Variants in CNTNAP4 observed in about 807,000 individuals in gnomAD.
The protein encoded by CNTNAP4 is contactin-associated protein-like 4.
A neutral mutation model predicts 148.4 loss-of-function variants in CNTNAP4; 98 were observed. The ratio of observed to expected loss-of-function variants is 0.66; its 90% confidence interval spans 0.56 to 0.78. The LOEUF (loss-of-function observed/expected upper bound fraction) is 0.78, where lower values mean the gene tolerates loss of function less well. Ranked by LOEUF, CNTNAP4 falls within the 30% of genes least tolerant of loss-of-function variation. The pLI is 0.00. For synonymous variants in CNTNAP4, 730 were observed against 565.1 expected, an observed-to-expected ratio of 1.29 and a Z score of -4.14; for missense variants, 1,935 against 1,565.6, an observed-to-expected ratio of 1.24 and a Z score of -3.98.
At chr16:76,376,187 A>G (rs1169017190) in intron 3 of CNTNAP4, among the ~76,000 whole-genome samples, 2 of 151,984 alleles carry the variant, frequency 1.3e-5, no homozygotes, top group South Asian at 2.1e-4. Context: ...ATGCAATTAA[A>G]TGCAAAAAAA....
intron 15 of CNTNAP4, among the ~76,000 whole-genome samples, chr16:76,503,756 C>T (rs2082737866): frequency 6.6e-6 from 1 of 151,456 alleles, no homozygotes; most frequent in Admixed American, 6.6e-5. Flanking sequence ...TTAATTCCCA[C>T]CTATGAGTGA....
intron 2 of CNTNAP4, 86 bp downstream of exon 2, chr16:76,316,609 CA>C (rs1364933346): frequency 7.0e-6 from 6 of 859,574 alleles, no homozygotes; most frequent in East Asian, 2.6e-5. Context: ...ATGAATGATA[CA>C]TGGTAAAAGA....
Position 76,462,048 on chromosome 16 carries a change from G to A in CNTNAP4, c.1426G>A (p.Ala476Thr), listed in dbSNP as rs139141859. 582 of 1,613,712 alleles carry A rather than the reference G, an allele frequency of 3.6e-4. No homozygotes were observed. Among genetic ancestry groups the A allele is most frequent in the Non-Finnish European group, 4.5e-4 (535 of 1,179,842 alleles). ...SVAVDGQMAS[A>T]APLLGPEQIY... Reference sequence around the variant, plus strand: ...GGCGGTGGACGGCCAGATGGCTTCTGCTGCTCCTCTGCTGGGGCCTGAGCA... The same window carrying A: ...GGCGGTGGACGGCCAGATGGCTTCTACTGCTCCTCTGCTGGGGCCTGAGCA... The change falls in exon 9 of 24, where the codon GCT becomes ACT. Residue 476 changes from alanine (A) to threonine (T), a missense_variant. Transcript: ENST00000611870.
chr16:76,292,003 T>C (rs1053988860), intron 1 of CNTNAP4, among the ~76,000 whole-genome samples: 36 of 152,250 alleles, frequency 2.4e-4, no homozygotes, highest in African/African-American at 8.0e-4. Flanking sequence ...CAAGTGGATA[T>C]ACTTTTATTT....
intron 15 of CNTNAP4, among the ~76,000 whole-genome samples, chr16:76,503,315 TAATC>T (rs1407229884): frequency 6.6e-6 from 1 of 152,114 alleles, no homozygotes; most frequent in Non-Finnish European, 1.5e-5. Context: ...CAGCAAAAGT[TAATC>T]AACCTGATTT....
In CNTNAP4 at chr16:76,439,499, G is replaced by T. The variant is rs564075992; in HGVS notation, c.539-8513G>T. On this transcript the variant is annotated intron_variant, in intron 4 of 23. Coordinates refer to ENST00000611870, the MANE Select transcript of CNTNAP4 (RefSeq NM_033401.5). ...ACATTTAGGTGACTTCTGTGACATT[G>T]CAAAAGTTGCAAATGAATATTAGAG... Among the ~76,000 whole-genome samples the T allele has an allele frequency of 4.6e-5, 7 of 152,220 alleles. No individual in the cohort carries two copies. In the East Asian group the frequency reaches 1.4e-3, roughly 29 times the overall value.
Position 76,314,932 on chromosome 16 carries a change from C to A in CNTNAP4, c.86-1481C>A, listed in dbSNP as rs138836806. 7.4e-3 allele frequency among the ~76,000 whole-genome samples: 1,131 copies of A among 152,072 alleles called. 35 individuals are homozygous for A. Among genetic ancestry groups the A allele is most frequent in the Non-Finnish European group, 3.7e-3 (254 of 67,984 alleles). ...TTTTGTAAAAGTAGTTTTTTAAACT[C>A]ATATATGTCCCTAAACAACATACAG... is the stretch of plus-strand genomic sequence containing the variant. On this transcript the variant is annotated intron_variant, in intron 1 of 23. Transcript: ENST00000611870.
At chr16:76,554,625 G>C (rs2085112965) in intron 23 of CNTNAP4, among the ~76,000 whole-genome samples, 1 of 151,800 alleles carries the variant, frequency 6.6e-6, no homozygotes, top group Non-Finnish European at 1.5e-5. Context: ...TTATTAATCA[G>C]ATTATTGAAA....
At chr16:76,436,614 A>G (rs186567873) in intron 4 of CNTNAP4, among the ~76,000 whole-genome samples, 71 of 152,250 alleles carry the variant, frequency 4.7e-4, no homozygotes, top group African/African-American at 1.6e-3. Context: ...TTGTCCAGTG[A>G]ACTGAGGAGC....
Position 76,316,504 on chromosome 16 carries a change from A to G in CNTNAP4, c.177A>G (p.Ala59=). 1 of 1,613,114 alleles carries G rather than the reference A, an allele frequency of 6.2e-7. No individual in the cohort carries two copies. The highest frequency in any genetic ancestry group is 1.1e-5 in the South Asian group (1 of 91,040). The part of the protein sequence containing the change: ...ELSSSHGPGF[A]RLNRRDGAGG... ...CCAGCAGTCATGGTCCTGGATTTGC[A>G]AGGCTGAATAGAAGAGATGGTAAGT... Residue 59 remains alanine (A), a synonymous_variant, in exon 2 of 24, where the codon GCA becomes GCG. Transcript: ENST00000611870.
chr16:76,508,150 T>C (rs923434820), intron 15 of CNTNAP4, among the ~76,000 whole-genome samples: 2 of 97,936 alleles, frequency 2.0e-5, no homozygotes, highest in African/African-American at 5.1e-5. Flanking sequence ...AATCAATGAA[T>C]AACAGTTCAT....
At chr16:76,350,402 ATTAAG>A (rs1168648473) in intron 2 of CNTNAP4, among the ~76,000 whole-genome samples, 2 of 151,946 alleles carry the variant, frequency 1.3e-5, no homozygotes, top group Non-Finnish European at 2.9e-5. Context: ...AATTTTAATA[ATTAAG>A]TTAATACAAC....
intron 3 of CNTNAP4, among the ~76,000 whole-genome samples, chr16:76,355,999 C>T (rs2012578759): frequency 6.6e-6 from 1 of 151,892 alleles, no homozygotes; most frequent in Non-Finnish European, 1.5e-5. Flanking sequence ...TTCAGCCTCC[C>T]AAGTAGCTTG....
intron 15 of CNTNAP4, among the ~76,000 whole-genome samples, chr16:76,505,039 G>A (rs1296006713): frequency 1.3e-5 from 2 of 152,140 alleles, no homozygotes; most frequent in African/African-American, 4.8e-5. Context: ...GGTACATACT[G>A]CTTTGGAAAA....
At chr16:76,395,879 C>G (rs1159581999) in intron 3 of CNTNAP4, among the ~76,000 whole-genome samples, 1 of 151,882 alleles carries the variant, frequency 6.6e-6, no homozygotes, top group Non-Finnish European at 1.5e-5. Context: ...CAGGTGTGTC[C>G]CACAATGGCC....
At chr16:76,498,879 T>C (rs1403973292) in intron 15 of CNTNAP4, among the ~76,000 whole-genome samples, 185 bp downstream of exon 15, 2 of 152,088 alleles carry the variant, frequency 1.3e-5, no homozygotes, top group African/African-American at 4.8e-5. Context: ...GAAAGTAGAA[T>C]GGTGGTTTCC....
At chr16:76,500,849 G>A (rs578111269) in intron 15 of CNTNAP4, among the ~76,000 whole-genome samples, 3 of 151,528 alleles carry the variant, frequency 2.0e-5, no homozygotes, top group Non-Finnish European at 4.4e-5. Flanking sequence ...TAACCTCTCT[G>A]AAAATAGTTA....
intron 8 of CNTNAP4, among the ~76,000 whole-genome samples, chr16:76,460,731 C>T (rs1300415923): frequency 3.6e-5 from 3 of 82,426 alleles, no homozygotes; most frequent in African/African-American, 9.0e-5. Context: ...CCAGCCTGGG[C>T]GACAGAGCCA....
rs1203767955 is a variant in CNTNAP4, at chr16:76,509,419, T to G, written c.2365+10725T>G. 5.1e-5 allele frequency among the ~76,000 whole-genome samples: 5 copies of G among 97,170 alleles called. 1 individual carries two copies. The highest frequency in any genetic ancestry group is 1.3e-4 in the African/African-American group (5 of 38,684). The allele number at this position is 97,170 out of a possible 152,430, so 63.7% of individuals were successfully genotyped here. On this transcript the variant is annotated intron_variant, in intron 15 of 23. Coordinates refer to ENST00000611870, the MANE Select transcript of CNTNAP4 (RefSeq NM_033401.5). Reference sequence around the variant, plus strand: ...AATCACCACTTTAGACAAAATAATTTTAAAAAGAGGTTGAGAAATGAATTT... The same window carrying G: ...AATCACCACTTTAGACAAAATAATTGTAAAAAGAGGTTGAGAAATGAATTT...
Sources: allele counts gnomAD v4.1 joint callset (sites outside exome capture counted in the v4.1 genomes callset), GRCh38; gene constraint gnomAD v4.1.1; transcripts MANE v1.5; gene names NCBI Gene and HGNC (gene_info 2026-07-23, HGNC 2026-07-21).